The following THSD7A variants were observed in gnomAD, a reference collection of about 807,000 sequenced individuals.
THSD7A encodes thrombospondin type-1 domain-containing protein 7A.
A neutral mutation model predicts 231.3 loss-of-function variants in THSD7A; 96 were observed. The ratio of observed to expected loss-of-function variants is 0.41; its 90% CI spans 0.35 to 0.49. The LOEUF is 0.49. Among genes scored for constraint, THSD7A ranks in the 20% least tolerant of loss-of-function variants. The probability of loss-of-function intolerance (pLI) is 0.05; values close to 1 mark genes in which losing one functional copy is unlikely to be tolerated. For missense variants in THSD7A, 2,290 were observed against 2,070.2 expected (o/e 1.11, Z -2.06); for synonymous variants, 940 against 743.3 (o/e 1.26, Z -4.30).
intron 4 of THSD7A, among the ~76,000 whole-genome samples, chr7:11,570,911 T>C (rs1790599172): frequency 6.6e-6 from 1 of 152,204 alleles, no homozygotes; most frequent in South Asian, 2.1e-4. Context: ...ACAAGGTATG[T>C]GGTATCATAT....
chr7:11,741,678 G>T (rs1782119970), intron 1 of THSD7A, among the ~76,000 whole-genome samples: 2 of 151,740 alleles, frequency 1.3e-5, no homozygotes, highest in Non-Finnish European at 2.9e-5. Flanking sequence ...TAAATTATAA[G>T]GTTAAAACTT....
chr7:11,515,317 A>C (rs1787985094), intron 6 of THSD7A, among the ~76,000 whole-genome samples: 1 of 152,146 alleles, frequency 6.6e-6, no homozygotes, highest in South Asian at 2.1e-4. Context: ...TTTGCTATGG[A>C]ACAACTGTAA....
At chr7:11,765,782 T>C (rs1029382409) in intron 1 of THSD7A, among the ~76,000 whole-genome samples, 2 of 152,018 alleles carry the variant, frequency 1.3e-5, no homozygotes, top group Admixed American at 6.6e-5. Flanking sequence ...TCTAGTTCTG[T>C]CCATTGCAGC....
chr7:11,417,326 G>A, intron 17 of THSD7A, 124 bp downstream of exon 17: 1 of 976,926 alleles, frequency 1.0e-6, no homozygotes, highest in African/African-American at 1.7e-5. Flanking sequence ...ACCTTGCTTT[G>A]CTAAATATGG....
rs112658334 is a variant in THSD7A at position 11,490,222 on chromosome 7, C to T, written c.1823-8240G>A. Among the ~76,000 whole-genome samples the T allele has an allele frequency of 7.9e-3, 1,208 of 152,114 alleles. 23 individuals carry two copies. The highest frequency in any genetic ancestry group is 0.027 in the African/African-American group (1,141 of 41,524). On this transcript the variant is annotated intron_variant, in intron 6 of 27. Coordinates refer to ENST00000423059, the MANE Select transcript of THSD7A (RefSeq NM_015204.3). ...AATAATATCACATTTGACTTCATTCCGGAGATAGAACCCATTTTAACAAAG... is the reference window on the plus strand; with the variant it reads ...AATAATATCACATTTGACTTCATTCTGGAGATAGAACCCATTTTAACAAAG...
At chr7:11,487,819 C>T (rs1382898484) in intron 6 of THSD7A, among the ~76,000 whole-genome samples, 1 of 152,074 alleles carries the variant, frequency 6.6e-6, no homozygotes, top group Non-Finnish European at 1.5e-5. Flanking sequence ...TCCACCTGGC[C>T]CCACCCTTGA....
At chr7:11,591,558 C>T (rs1000828135) in intron 3 of THSD7A, among the ~76,000 whole-genome samples, 18 of 152,222 alleles carry the variant, frequency 1.2e-4, no homozygotes, top group Admixed American at 9.2e-4. Context: ...GAAGGTTAAA[C>T]GGCCCTCAGA....
At chr7:11,802,932 G>A (rs1247723063) in intron 1 of THSD7A, among the ~76,000 whole-genome samples, 1 of 152,072 alleles carries the variant, frequency 6.6e-6, no homozygotes, top group Non-Finnish European at 1.5e-5. Flanking sequence ...TAGACTCTTG[G>A]AAAGAATATA....
chr7:11,696,733 T>C (rs1780414114), intron 1 of THSD7A, among the ~76,000 whole-genome samples: 1 of 151,340 alleles, frequency 6.6e-6, no homozygotes, highest in South Asian at 2.1e-4. Context: ...GGAAAGTAAA[T>C]TTTTAATTTA....
chr7:11,590,777 G>A lies in THSD7A; in HGVS notation c.1272-136C>T. 4 of 1,033,376 alleles carry A rather than the reference G, an allele frequency of 3.9e-6. No individual in the cohort carries two copies. Among genetic ancestry groups the A allele is most frequent in the Non-Finnish European group, 5.4e-6 (4 of 738,606 alleles). The allele number at this position is 1,033,376 out of a possible 1,614,324, so 64.0% of individuals were successfully genotyped here. A position where few individuals can be genotyped will look rare whatever the true frequency, so the allele number is the denominator to read the frequency against. On this transcript the variant is annotated intron_variant, in intron 3 of 27. Transcript: ENST00000423059. This position sits in a 1 kb window ranked among gnomAD's most constrained non-coding sequence, Gnocchi z 4.4. The stretch of plus-strand genomic sequence containing the variant: ...AGAATCCATCGTAGACTACATCTAT[G>A]GTGCATATTTGGTTTCAACTCCTTT...
intron 1 of THSD7A, among the ~76,000 whole-genome samples, chr7:11,668,543 GAAGA>G (rs1038280870): frequency 3.3e-5 from 5 of 150,580 alleles, no homozygotes; most frequent in South Asian, 2.1e-4. Flanking sequence ...GAAAGAAAGA[GAAGA>G]AAGAAAGGGA....
chr7:11,562,339 GAAT>G (rs1790109865), intron 4 of THSD7A, among the ~76,000 whole-genome samples: 2 of 152,020 alleles, frequency 1.3e-5, no homozygotes, highest in Admixed American at 1.3e-4. Context: ...AGACTAATTT[GAAT>G]AATGATATAC....
Position 11,575,614 on chromosome 7 carries a change from C to T in THSD7A, c.1453+14846G>A, listed in dbSNP as rs774446148. On this transcript the variant is annotated intron_variant, in intron 4 of 27. Coordinates refer to ENST00000423059, the MANE Select transcript of THSD7A (RefSeq NM_015204.3). ...CAGATACTTGTGTCAGGGGATATAACGGAACTCTCTGCCTCTATCAAAGCT... is the reference window on the plus strand; with the variant it reads ...CAGATACTTGTGTCAGGGGATATAATGGAACTCTCTGCCTCTATCAAAGCT... Among the ~76,000 whole-genome samples the T allele has an allele frequency of 9.9e-5, 15 of 152,244 alleles. 1 individual carries two copies. Among genetic ancestry groups the T allele is most frequent in the Non-Finnish European group, 1.8e-4 (12 of 68,008 alleles).
intron 1 of THSD7A, among the ~76,000 whole-genome samples, chr7:11,737,736 C>T (rs554895670): frequency 6.6e-6 from 1 of 151,916 alleles, no homozygotes; most frequent in Non-Finnish European, 1.5e-5. Flanking sequence ...TAAATTAAAA[C>T]AAGTTTAAAA....
intron 1 of THSD7A, among the ~76,000 whole-genome samples, chr7:11,745,372 A>T (rs951031678): frequency 4.0e-5 from 6 of 151,704 alleles, no homozygotes; most frequent in Admixed American, 1.3e-4. Flanking sequence ...GATTGCAAAA[A>T]TTTTTTTCCC....
At chr7:11,775,370 G>A (rs1783368764) in intron 1 of THSD7A, among the ~76,000 whole-genome samples, 1 of 152,098 alleles carries the variant, frequency 6.6e-6, no homozygotes, top group South Asian at 2.1e-4. Context: ...ATAATTGAAG[G>A]CAGTCTGAGC....
At chr7:11,460,808 TG>T (rs762835646) in intron 10 of THSD7A, 43 bp from the exon 11 acceptor site, 2 of 1,522,092 alleles carry the variant, frequency 1.3e-6, no homozygotes, top group South Asian at 2.3e-5. Context: ...GAAGCAAAAA[TG>T]CCAGCAAATC....
chr7:11,463,550 G>A (rs1195323513), intron 9 of THSD7A, among the ~76,000 whole-genome samples: 1 of 152,078 alleles, frequency 6.6e-6, no homozygotes, highest in African/African-American at 2.4e-5. Context: ...AAGATTCTGG[G>A]CTTACATGTA....
At chr7:11,451,475 T>G (rs1178332631) in intron 11 of THSD7A, among the ~76,000 whole-genome samples, 2 of 151,988 alleles carry the variant, frequency 1.3e-5, no homozygotes, top group Non-Finnish European at 2.9e-5. Flanking sequence ...AATAGCAACA[T>G]GTTAAAAACT....
Sources: allele counts gnomAD v4.1 joint callset (sites outside exome capture counted in the v4.1 genomes callset), GRCh38; gene constraint gnomAD v4.1.1; non-coding constraint Gnocchi (gnomAD v3.1); transcripts MANE v1.5; gene names NCBI Gene and HGNC (gene_info 2026-07-23, HGNC 2026-07-21).